Variants in USP6NL observed in about 807,000 individuals in gnomAD.
USP6NL encodes USP6 N-terminal like.
A neutral mutation model predicts 61.9 loss-of-function variants in USP6NL; 26 were observed. That is an observed-to-expected ratio of 0.42 (90% confidence interval 0.31 to 0.58). The LOEUF (loss-of-function observed/expected upper bound fraction) is 0.58. Ranked by LOEUF, USP6NL falls within the 20% of genes least tolerant of loss-of-function variation. USP6NL has a pLI of 0.16. For synonymous variants in USP6NL, 432 were observed against 390.1 expected, an observed-to-expected ratio of 1.11 and a Z score of -1.27; for missense variants, 1,114 against 1,034.3, an observed-to-expected ratio of 1.08 and a Z score of -1.06.
chr10:11,601,682 G>A (rs1276272835), intron 1 of USP6NL, among the ~76,000 whole-genome samples: 1 of 152,286 alleles, frequency 6.6e-6, no homozygotes, highest in South Asian at 2.1e-4. Context: ...ATGCTTAAGA[G>A]GCCAAAAGAG....
chr10:11,479,176 G>C (rs183297373), intron 14 of USP6NL, among the ~76,000 whole-genome samples: 94 of 152,270 alleles, frequency 6.2e-4, no homozygotes, highest in Admixed American at 2.1e-3. Context: ...ACTTCATCCA[G>C]CATGTGGAAA....
At chr10:11,533,802 T>A (rs1031610146) in intron 2 of USP6NL, among the ~76,000 whole-genome samples, 1 of 152,216 alleles carries the variant, frequency 6.6e-6, no homozygotes, top group Non-Finnish European at 1.5e-5. Context: ...AACACAGGAT[T>A]CAAAGTTTAC....
chr10:11,532,386 A>G lies in USP6NL; in HGVS notation c.5-4819T>C, dbSNP rs1413645025. On this transcript the variant is annotated intron_variant, in intron 2 of 14. Transcript: ENST00000609104. This position sits in a 1 kb window ranked among gnomAD's most constrained non-coding sequence, Gnocchi z 4.1. Reference sequence around the variant, plus strand: ...TTTAAACTATCTGTGAAACAAGCACAAGAAGAAAAAGTTTGAGATGCACTC... The same window carrying G: ...TTTAAACTATCTGTGAAACAAGCACGAGAAGAAAAAGTTTGAGATGCACTC... The G allele has an allele frequency of 5.2e-6, 3 of 572,040 alleles. No homozygotes were observed. The African/African-American group carries it at 5.7e-5, about 11-fold the overall frequency. 35.4% of individuals were successfully genotyped at this position (572,040 alleles called of 1,614,324 possible).
chr10:11,552,417 C>T (rs565789009), intron 2 of USP6NL, among the ~76,000 whole-genome samples: 2 of 152,288 alleles, frequency 1.3e-5, no homozygotes, highest in African/African-American at 2.4e-5. Context: ...GGAAATAAAG[C>T]TGCTTTAAGC....
At chr10:11,557,693 G>A (rs1401534219) in intron 2 of USP6NL, among the ~76,000 whole-genome samples, 2 of 152,192 alleles carry the variant, frequency 1.3e-5, no homozygotes, top group Non-Finnish European at 2.9e-5. Context: ...ATGTTCACGA[G>A]TGCATGAGAG....
At chr10:11,464,131 C>T (rs186152011) in intron 14 of USP6NL, among the ~76,000 whole-genome samples, 2 of 152,148 alleles carry the variant, frequency 1.3e-5, no homozygotes, top group South Asian at 2.1e-4. Context: ...AGCAAGGAGG[C>T]GGTCCTCTGA....
At chr10:11,486,489 C>T (rs752144651) in intron 10 of USP6NL, among the ~76,000 whole-genome samples, 1 of 152,088 alleles carries the variant, frequency 6.6e-6, no homozygotes, top group Non-Finnish European at 1.5e-5. Flanking sequence ...ACAATATAAT[C>T]TATATCTAAG....
rs1444988751 is a variant in USP6NL at position 11,490,806 on chromosome 10, C to CCTTG, written c.543+22_543+25dup. 7 of 1,550,142 alleles carry CCTTG rather than the reference C, an allele frequency of 4.5e-6. No individual in the cohort carries two copies. The highest frequency in any genetic ancestry group is 4.1e-5 in the African/African-American group (3 of 72,824). ...AGTACCTCAGAATACAACTCAAAGACCTTGGGCAGGCAGGCCCCAACTTAC... is the reference window on the plus strand; with the variant it reads ...AGTACCTCAGAATACAACTCAAAGACCTTGCTTGGGCAGGCAGGCCCCAACTTAC... On this transcript the variant is annotated intron_variant, in intron 9 of 14. Coordinates refer to ENST00000609104, the MANE Select transcript of USP6NL (RefSeq NM_014688.5). The surrounding 1 kb of genome is among the most constrained non-coding windows in gnomAD (Gnocchi z 4.5).
At position 11,509,612 on chromosome 10, in the gene USP6NL, A is replaced by G. The variant is rs1167295429; in HGVS notation, c.259T>C (p.Tyr87His). 7 of 1,562,608 alleles carry G rather than the reference A, an allele frequency of 4.5e-6. No individual in the cohort carries two copies. Among genetic ancestry groups the G allele is most frequent in the African/African-American group, 1.4e-5 (1 of 74,020 alleles). ...WLKMLKGWEK[Y>H]KNTEKFHRRI... ...TAAATTACCTTTTCAGTGTTCTTGT[A>G]TTTTTCCCATCCTTTCAGCATTTTC... is the stretch of plus-strand genomic sequence containing the variant. The change falls in exon 6 of 15, where the codon TAC becomes CAC. Residue 87 changes from tyrosine (Y) to histidine (H), a missense_variant. Tyr to His is a moderately conservative substitution (Grantham distance 83). Transcript: ENST00000609104.
At chr10:11,497,262 A>G (rs1233605414) in intron 7 of USP6NL, among the ~76,000 whole-genome samples, 2 of 151,630 alleles carry the variant, frequency 1.3e-5, no homozygotes, top group Non-Finnish European at 2.9e-5. Flanking sequence ...GTGAAAAAAA[A>G]TAACCGGGCA....
Position 11,528,357 on chromosome 10 carries a change from T to C in USP6NL, c.5-790A>G, listed in dbSNP as rs895577926. On this transcript the variant is annotated intron_variant, in intron 2 of 14. Transcript: ENST00000609104. This position sits in a 1 kb window ranked among gnomAD's most constrained non-coding sequence, Gnocchi z 4.6. ...CTAGGCAAAGGTTATGAGCAAGAAA[T>C]TCCTAAAAGTAGCAACAGCAGTAAC... 2.7e-5 allele frequency among the ~76,000 whole-genome samples: 4 copies of C among 150,678 alleles called. No homozygotes were observed. Among genetic ancestry groups the C allele is most frequent in the Non-Finnish European group, 5.9e-5 (4 of 67,746 alleles).
chr10:11,483,259 A>G (rs541162959), intron 13 of USP6NL, among the ~76,000 whole-genome samples: 4 of 152,180 alleles, frequency 2.6e-5, no homozygotes, highest in Admixed American at 2.0e-4. Flanking sequence ...GGTAGCATGT[A>G]AAGCAGTTGC....
chr10:11,554,966 A>ATTTTTTTTTTTTTTTTTT lies in USP6NL; in HGVS notation c.5-27417_5-27400dup, dbSNP rs764342021. Among the ~76,000 whole-genome samples the ATTTTTTTTTTTTTTTTTT allele has an allele frequency of 3.5e-3, 396 of 111,736 alleles. 14 individuals carry two copies. The highest frequency in any genetic ancestry group is 9.3e-3 in the East Asian group (26 of 2,792). The allele number at this position is 111,736 out of a possible 152,430, so 73.3% of individuals were successfully genotyped here. ...AGGTGCCTGCCACCATGCCCGGCTA[A>ATTTTTTTTTTTTTTTTTT]TTTTTTTTTTTTTTTTTTTACTAGA... is the stretch of plus-strand genomic sequence containing the variant. On this transcript the variant is annotated intron_variant, in intron 2 of 14. Transcript: ENST00000609104.
At chr10:11,542,230 T>C (rs1234652766) in intron 2 of USP6NL, among the ~76,000 whole-genome samples, 2 of 152,140 alleles carry the variant, frequency 1.3e-5, no homozygotes, top group East Asian at 1.9e-4. Context: ...TATCACGTAA[T>C]ACAAAGACAG....
In USP6NL at chr10:11,575,206, CTTCT is replaced by C. The variant is rs951639852; in HGVS notation, c.4+22421_4+22424del. ...CAAGTCAAAACTGTGATCTTGAATC[CTTCT>C]GTAGATGTAAATTTAAACAAATAAA... On this transcript the variant is annotated intron_variant, in intron 2 of 14. Coordinates refer to ENST00000609104, the MANE Select transcript of USP6NL (RefSeq NM_014688.5). This position sits in a 1 kb window ranked among gnomAD's most constrained non-coding sequence, Gnocchi z 4.2. Among the ~76,000 whole-genome samples the C allele has an allele frequency of 6.6e-6, 1 of 152,168 alleles. No individual in the cohort carries two copies. Among genetic ancestry groups the C allele is most frequent in the Non-Finnish European group, 1.5e-5 (1 of 68,010 alleles).
Position 11,470,648 on chromosome 10 carries a change from C to T in USP6NL, c.1079-6799G>A, listed in dbSNP as rs368369394. Among the ~76,000 whole-genome samples, 37 of 152,320 alleles carry T rather than the reference C, an allele frequency of 2.4e-4. No individual in the cohort carries two copies. The highest frequency in any genetic ancestry group is 7.5e-4 in the African/African-American group (31 of 41,568). ...AACTACCACCCCTAACCCCACCACA[C>T]AAACACTGCTCTACTTGTCTTTGGT... On this transcript the variant is annotated intron_variant, in intron 14 of 14. Coordinates refer to ENST00000609104, the MANE Select transcript of USP6NL (RefSeq NM_014688.5). The surrounding 1 kb of genome is among the most constrained non-coding windows in gnomAD (Gnocchi z 5.4).
chr10:11,502,258 CAAAA>C (rs58597235), intron 6 of USP6NL, among the ~76,000 whole-genome samples: 1 of 96,908 alleles, frequency 1.0e-5, no homozygotes, highest in Admixed American at 1.1e-4. Flanking sequence ...GACTCCATCT[CAAAA>C]AAAAAAAAAA....
rs1836993203 is a variant in USP6NL, at chr10:11,562,830, A to C, written c.4+34801T>G. ...GGCATTAGTAAATAAGTTTTAGAAG[A>C]ATAATAGTAAGGGTCTTTTGGTAGT... On this transcript the variant is annotated intron_variant, in intron 2 of 14. Transcript: ENST00000609104. This position sits in a 1 kb window ranked among gnomAD's most constrained non-coding sequence, Gnocchi z 4.8. The C allele has an allele frequency of 4.2e-6, 4 of 962,446 alleles. No homozygotes were observed. The African/African-American group carries it at 5.3e-5, about 13-fold the overall frequency. The allele number at this position is 962,446 out of a possible 1,614,324, so 59.6% of individuals were successfully genotyped here. A position where few individuals can be genotyped will look rare whatever the true frequency, so the allele number is the denominator to read the frequency against.
At chr10:11,479,115 A>G (rs1031843159) in intron 14 of USP6NL, among the ~76,000 whole-genome samples, 1 of 152,218 alleles carries the variant, frequency 6.6e-6, no homozygotes, top group Non-Finnish European at 1.5e-5. Context: ...ACCCATAAGC[A>G]CTGAAAACAT....
Sources: gnomAD v4.1 joint callset for allele counts (sites outside exome capture counted in the v4.1 genomes callset) on GRCh38, gnomAD v4.1.1 for gene constraint, Gnocchi (gnomAD v3.1) non-coding constraint, MANE v1.5 for transcripts, NCBI Gene and HGNC (gene_info 2026-07-23, HGNC 2026-07-21) for gene names.